WBP11: variants seen among roughly 807,000 people sequenced by gnomAD.
WBP11 encodes the protein WW domain binding protein 11.
Under a neutral mutation model 66.7 loss-of-function variants are expected in WBP11, and 12 were observed. The observed-to-expected ratio is 0.18, with a 90% confidence interval of 0.12 to 0.29. The LOEUF (loss-of-function observed/expected upper bound fraction) is 0.29, where lower values mean the gene tolerates loss of function less well. WBP11 is among the 10% of genes least tolerant of loss of function. The probability of loss-of-function intolerance (pLI) is 1.00; values close to 1 mark genes in which losing one functional copy is unlikely to be tolerated. For synonymous variants in WBP11, 255 were observed against 273.8 expected, an observed-to-expected ratio of 0.93 and a Z score of 0.68; for missense variants, 555 against 818.3, an observed-to-expected ratio of 0.68 and a Z score of 3.93.
intron 8 of WBP11, among the ~76,000 whole-genome samples, chr12:14,792,662 G>A (rs1411458725): frequency 2.0e-5 from 3 of 151,922 alleles, no homozygotes; most frequent in East Asian, 1.9e-4. Flanking sequence ...GTGAAACCCT[G>A]TCTCTACTAA....
At chr12:14,788,788 C>T (rs1410542297) in intron 11 of WBP11, among the ~76,000 whole-genome samples, 163 bp downstream of exon 11, 1 of 152,218 alleles carries the variant, frequency 6.6e-6, no homozygotes, top group East Asian at 1.9e-4. Flanking sequence ...TGCAAATACC[C>T]ACTGGAAGAA....
Position 14,787,371 on chromosome 12 carries a change from C to T in WBP11, c.1620G>A (p.Leu540=). 1 of 1,605,068 alleles carries T rather than the reference C, an allele frequency of 6.2e-7. No individual in the cohort carries two copies. The highest frequency in any genetic ancestry group is 2.2e-5 in the East Asian group (1 of 44,728). The change falls in exon 12 of 12, where the codon TTG becomes TTA. Residue 540 remains leucine, a synonymous_variant. Transcript: ENST00000261167. ...TATCATCCGCCTTGGGTCGCTGAAT[C>T]AAGTTGGGTGGGGCACTTAAAACCC... is the stretch of plus-strand genomic sequence containing the variant. The part of the protein sequence containing the change: ...NPGVLSAPPN[L]IQRPKADDTS...
rs375087786 is a variant in WBP11 at position 14,791,123 on chromosome 12, G to A, written c.1015+46C>T. ...GAAAAACGTATGTAAAGTAATTAGCGTGAGGATACACCAAAAGGTGATTCA... is the reference window on the plus strand; with the variant it reads ...GAAAAACGTATGTAAAGTAATTAGCATGAGGATACACCAAAAGGTGATTCA... On this transcript the variant is annotated intron_variant, in intron 9 of 11. Transcript: ENST00000261167. 2.8e-5 allele frequency: 43 copies of A among 1,555,210 alleles called. No individual in the cohort carries two copies. The East Asian group carries it at 2.9e-4, about 11-fold the overall frequency.
intron 2 of WBP11, 183 bp downstream of exon 2, chr12:14,801,137 A>C (rs1230992729): frequency 5.9e-6 from 3 of 511,244 alleles, no homozygotes; most frequent in African/African-American, 1.9e-5. Context: ...TTGAAAAATA[A>C]AATACGGGTA....
intron 3 of WBP11, 44 bp from the exon 4 acceptor site, chr12:14,799,772 G>T: frequency 6.4e-7 from 1 of 1,568,444 alleles, no homozygotes; most frequent in Non-Finnish European, 8.7e-7. Context: ...CAGGCACTCA[G>T]GAGTTTTACT....
chr12:14,789,528 T>C (rs577924360), intron 10 of WBP11, among the ~76,000 whole-genome samples: 43 of 152,156 alleles, frequency 2.8e-4, no homozygotes, highest in Non-Finnish European at 5.1e-4. Context: ...GAGCTTGTAG[T>C]GAGCTGAGAT....
chr12:14,800,659 T>C, intron 3 of WBP11, 93 bp downstream of exon 3: 1 of 1,193,212 alleles, frequency 8.4e-7, no homozygotes, highest in Non-Finnish European at 1.2e-6. Context: ...TTCTAGAAAA[T>C]ATTAGAAATG....
intron 10 of WBP11, 105 bp downstream of exon 10, chr12:14,790,351 T>G: frequency 7.2e-7 from 1 of 1,391,822 alleles, no homozygotes; most frequent in Non-Finnish European, 9.8e-7. Context: ...GAGAATCCAA[T>G]TAGGAGGAAA....
In WBP11 at chr12:14,800,802, A is replaced by T. The variant is rs761370512; in HGVS notation, c.65-19T>A. ...TCCTTTCCTTTAAAAGGAGAGAGGG[A>T]GATATAATAAAATCTTTGAATCTTG... On this transcript the variant is annotated intron_variant, in intron 2 of 11. Coordinates refer to ENST00000261167, the MANE Select transcript of WBP11 (RefSeq NM_016312.3). 3.8e-6 allele frequency: 6 copies of T among 1,587,980 alleles called. No homozygotes were observed. The highest frequency in any genetic ancestry group is 4.3e-6 in the Non-Finnish European group (5 of 1,165,734).
Position 14,787,465 on chromosome 12 carries a change from G to T in WBP11, c.1526C>A (p.Pro509Gln), listed in dbSNP as rs1228025543. The change falls in exon 12 of 12, where the codon CCA (proline) becomes CAA (glutamine). Residue 509 changes from proline (P) to glutamine (Q), a missense_variant. By Grantham distance (76) the Pro-to-Gln change is moderately conservative. Around this residue, in one of 6 missense-constraint regions of WBP11, gnomAD observed 230 missense variants for 286.3 expected, o/e 0.80. Coordinates refer to ENST00000261167, the MANE Select transcript of WBP11 (RefSeq NM_016312.3). ...AGGTCCAAGGGGAGGCACCAAAGGTGGGCGCATCATGCCAGGACGAGGTGG... is the reference window on the plus strand; with the variant it reads ...AGGTCCAAGGGGAGGCACCAAAGGTTGGCGCATCATGCCAGGACGAGGTGG... ...IPPPRPGMMR[P>Q]PLVPPLGPAP... The T allele has an allele frequency of 5.3e-6, 8 of 1,520,776 alleles. No individual in the cohort carries two copies. The highest frequency in any genetic ancestry group is 7.1e-6 in the Non-Finnish European group (8 of 1,134,132). 94.2% of individuals were successfully genotyped at this position (1,520,776 alleles called of 1,614,324 possible).
intron 9 of WBP11, among the ~76,000 whole-genome samples, 170 bp downstream of exon 9, chr12:14,790,999 T>A (rs1949815563): frequency 6.6e-6 from 1 of 152,246 alleles, no homozygotes; most frequent in African/African-American, 2.4e-5. Flanking sequence ...CACCATTTAC[T>A]TGCTGTGTAA....
At chr12:14,798,324 A>G (rs1035544888) in intron 4 of WBP11, among the ~76,000 whole-genome samples, 5 of 152,184 alleles carry the variant, frequency 3.3e-5, no homozygotes, top group African/African-American at 1.2e-4. Flanking sequence ...TCTTACCTGT[A>G]TAATAGGGAC....
rs1342790551 is a variant in WBP11 at position 14,796,994 on chromosome 12, G to A, written c.200C>T (p.Pro67Leu). The A allele has an allele frequency of 6.3e-7, 1 of 1,581,618 alleles. No individual in the cohort carries two copies. Among genetic ancestry groups the A allele is most frequent in the African/African-American group, 1.4e-5 (1 of 72,852 alleles). Residue 67 changes from proline (P) to leucine (L), a missense_variant, in exon 5 of 12, where the codon CCA becomes CTA. By Grantham distance (98) the Pro-to-Leu change is moderately conservative. Coordinates refer to ENST00000261167, the MANE Select transcript of WBP11 (RefSeq NM_016312.3). This position sits in a 1 kb window ranked among gnomAD's most constrained non-coding sequence, Gnocchi z 4.5. ...MEKLDEMEFNPVQQPQLNEKV... is the reference protein window; with the variant it reads ...MEKLDEMEFNLVQQPQLNEKV... ...CTCATTTAATTGTGGCTGTTGCACT[G>A]GGTTAAACTCTAAGAGAAAAAGTAG... is the stretch of plus-strand genomic sequence containing the variant.
In WBP11 at chr12:14,794,546, G is replaced by A. The variant is rs1286720558; in HGVS notation, c.712C>T (p.Pro238Ser). ...AACAGTCACTTCTCACCAAGTTCAG[G>A]ACTATATAACATGTCTTCATCTCGC... ...RRRDEDMLYS[P>S]ELAQRGHDDD... The change falls in exon 7 of 12, where the codon CCT (proline) becomes TCT (serine). Residue 238 changes from proline to serine, a missense_variant. Around this residue, in one of 6 missense-constraint regions of WBP11, gnomAD observed 220 missense variants for 268.2 expected, o/e 0.82. Transcript: ENST00000261167. The A allele has an allele frequency of 1.2e-6, 2 of 1,613,654 alleles. No individual in the cohort carries two copies. Among genetic ancestry groups the A allele is most frequent in the Non-Finnish European group, 8.5e-7 (1 of 1,180,006 alleles).
intron 4 of WBP11, 88 bp downstream of exon 4, chr12:14,799,547 T>C (rs1479284515): frequency 4.9e-6 from 6 of 1,237,012 alleles, no homozygotes; most frequent in Non-Finnish European, 6.8e-6. Context: ...TGCTGTTCTG[T>C]TTTACTTACG....
At position 14,795,098 on chromosome 12, in the gene WBP11, G is replaced by A; in HGVS notation, c.394C>T (p.Gln132Ter). 1 of 1,603,092 alleles carries A rather than the reference G, an allele frequency of 6.2e-7. No homozygotes were observed. The highest frequency in any genetic ancestry group is 8.5e-7 in the Non-Finnish European group (1 of 1,175,858). Residue 132 changes from glutamine to a stop codon, truncating the protein, a stop_gained, in exon 6 of 12, where the codon CAG becomes TAG. Coordinates refer to ENST00000261167, the MANE Select transcript of WBP11 (RefSeq NM_016312.3). LOFTEE classifies it high-confidence loss of function. ...GGAATACTCTCCACTTCCACATGCT[G>A]AGCATTCTGAAACAGAGAACCATTC... ...SQYFDAVKNA[Q>*]HVEVESIPLP...
intron 10 of WBP11, among the ~76,000 whole-genome samples, chr12:14,789,697 T>C (rs1459135202): frequency 6.6e-6 from 1 of 152,222 alleles, no homozygotes; most frequent in East Asian, 1.9e-4. Context: ...CTCCGCAATG[T>C]TGGAAATATA....
chr12:14,793,620 T>C, intron 8 of WBP11, 111 bp downstream of exon 8: 1 of 1,312,492 alleles, frequency 7.6e-7, no homozygotes, highest in Non-Finnish European at 1.0e-6. Context: ...ACAGCTATGA[T>C]CCCGACTTCC....
Position 14,797,534 on chromosome 12 carries a change from T to G in WBP11, c.191-531A>C, listed in dbSNP as rs558236018. On this transcript the variant is annotated intron_variant, in intron 4 of 11. Coordinates refer to ENST00000261167, the MANE Select transcript of WBP11 (RefSeq NM_016312.3). ...TCCTGGCCTAGCTACTATACAATCC[T>G]TTCTCTCCCTAACTAATCATGTGTC... 2.0e-5 allele frequency among the ~76,000 whole-genome samples: 3 copies of G among 152,318 alleles called. No homozygotes were observed. The East Asian group carries it at 5.8e-4, about 29-fold the overall frequency.
Sources: allele counts gnomAD v4.1 joint callset (sites outside exome capture counted in the v4.1 genomes callset), GRCh38; gene constraint gnomAD v4.1.1; regional missense constraint gnomAD v4.1.1; non-coding constraint Gnocchi (gnomAD v3.1); transcripts MANE v1.5; gene names NCBI Gene and HGNC (gene_info 2026-07-23, HGNC 2026-07-21).